Variants in MYOM1 observed in about 807,000 individuals in gnomAD.
MYOM1 encodes the protein myomesin-1.
Under a neutral mutation model 205.3 loss-of-function variants are expected in MYOM1, and 164 were observed. The ratio of observed to expected loss-of-function variants is 0.80; its 90% confidence interval spans 0.70 to 0.91. The LOEUF (loss-of-function observed/expected upper bound fraction) is 0.91. Ranked by LOEUF, MYOM1 falls within the 40% of genes least tolerant of loss-of-function variation. The probability of loss-of-function intolerance (pLI) is 0.00; values close to 1 mark genes in which losing one functional copy is unlikely to be tolerated. For missense variants in MYOM1, 2,011 were observed against 2,127.3 expected, an observed-to-expected ratio of 0.95 and a Z score of 1.08; for synonymous variants, 772 against 789.4, an observed-to-expected ratio of 0.98 and a Z score of 0.37.
At chr18:3,089,119 T>C in intron 29 of MYOM1, 55 bp downstream of exon 29, 1 of 1,349,412 alleles carries the variant, frequency 7.4e-7, no homozygotes, top group Non-Finnish European at 1.0e-6. Flanking sequence ...TCCTCTTCTC[T>C]ACATTCTATT....
chr18:3,171,049 G>C (rs1448022006), intron 8 of MYOM1, among the ~76,000 whole-genome samples: 1 of 152,122 alleles, frequency 6.6e-6, no homozygotes, highest in Non-Finnish European at 1.5e-5. Context: ...TATTAGGTAA[G>C]TACCACTAAT....
At chr18:3,080,931 A>C (rs1213848730) in intron 33 of MYOM1, among the ~76,000 whole-genome samples, 1 of 152,142 alleles carries the variant, frequency 6.6e-6, no homozygotes, top group African/African-American at 2.4e-5. Context: ...CAGGAGTTTG[A>C]AACCAGCCTG....
Position 3,215,097 on chromosome 18 carries a change from A to T in MYOM1, c.127T>A (p.Ser43Thr), listed in dbSNP as rs1167741981. 1 of 1,613,630 alleles carries T rather than the reference A, an allele frequency of 6.2e-7. No individual in the cohort carries two copies. Among genetic ancestry groups the T allele is most frequent in the South Asian group, 1.1e-5 (1 of 91,078 alleles). ...GAGGAGCGGCTGCTGTAGGCCGTGG[A>T]GCCCTGGGTGTAGACGGCGGAGCGT... ...KKRSAVYTQG[S>T]TAYSSRSSAA... The change falls in exon 2 of 38, where the codon TCC becomes ACC. Residue 43 changes from serine (S) to threonine (T), a missense_variant. Transcript: ENST00000356443.
At position 3,219,412 on chromosome 18, in the gene MYOM1, CA is replaced by C. The variant is rs1224800641; in HGVS notation, c.-29+390del. The stretch of plus-strand genomic sequence containing the variant: ...TCCTTCTTTCGGTCTAATTTGTAAC[CA>C]GGGAGCATTGTATGGCACATGCAGG... On this transcript the variant is annotated intron_variant, in intron 1 of 37. Coordinates refer to ENST00000356443, the MANE Select transcript of MYOM1 (RefSeq NM_003803.4). The surrounding 1 kb of genome is among the most constrained non-coding windows in gnomAD (Gnocchi z 4.4). 6.6e-6 allele frequency among the ~76,000 whole-genome samples: 1 copy of C among 152,122 alleles called. No individual in the cohort carries two copies. The highest frequency in any genetic ancestry group is 2.4e-5 in the African/African-American group (1 of 41,414).
intron 1 of MYOM1, among the ~76,000 whole-genome samples, chr18:3,217,587 G>A (rs2081285090): frequency 6.6e-6 from 1 of 152,168 alleles, no homozygotes; most frequent in African/African-American, 2.4e-5. Context: ...ACATTTGGGA[G>A]TCAACAGCAT....
rs149150514 is a variant in MYOM1 at position 3,075,713 on chromosome 18, C to T, written c.4685+12G>A. On this transcript the variant is annotated intron_variant, in intron 35 of 37. Coordinates refer to ENST00000356443, the MANE Select transcript of MYOM1 (RefSeq NM_003803.4). ...TGCATGCAAGTGGCATTTGCTAGGA[C>T]CAGGGACTTACTTCAACCTCTGGAA... 186 of 1,603,230 alleles carry T rather than the reference C, an allele frequency of 1.2e-4. 3 individuals are homozygous for T. In the East Asian group the frequency reaches 2.1e-3, roughly 18 times the overall value.
At chr18:3,233,787 T>C in the MYOM1 span, among the ~76,000 whole-genome samples, 1 of 152,230 alleles carries the variant, frequency 6.6e-6, no homozygotes, top group African/African-American at 2.4e-5. Flanking sequence ...GAGGCACTGA[T>C]TTCAGTGGAA....
Position 3,126,621 on chromosome 18 carries a change from G to A in MYOM1, c.2991+80C>T. On this transcript the variant is annotated intron_variant, in intron 19 of 37. Coordinates refer to ENST00000356443, the MANE Select transcript of MYOM1 (RefSeq NM_003803.4). ...AAATGACGTGACTCTCTTACAAGGT[G>A]CTGGGTGTGTGCCTGCCTGGGCGTG... 3.9e-6 allele frequency: 5 copies of A among 1,287,586 alleles called. No homozygotes were observed. In the South Asian group the frequency reaches 4.5e-5, roughly 12 times the overall value. The allele number at this position is 1,287,586 out of a possible 1,614,324, so 79.8% of individuals were successfully genotyped here.
At chr18:3,073,911 C>T (rs899418085) in intron 36 of MYOM1, among the ~76,000 whole-genome samples, 1 of 152,180 alleles carries the variant, frequency 6.6e-6, no homozygotes, top group African/African-American at 2.4e-5. Context: ...CTGCCTGCCT[C>T]ACCCTTCAAT....
intron 21 of MYOM1, among the ~76,000 whole-genome samples, chr18:3,114,578 G>T (rs1171598510): frequency 1.4e-5 from 2 of 138,536 alleles, no homozygotes; most frequent in Non-Finnish European, 3.1e-5. Flanking sequence ...TTAGAGACAG[G>T]GTTTTGCCAT....
intron 11 of MYOM1, among the ~76,000 whole-genome samples, chr18:3,154,354 C>T (rs774704781): frequency 2.3e-4 from 35 of 151,862 alleles, no homozygotes; most frequent in Non-Finnish European, 4.6e-4. Flanking sequence ...AATTTGACTA[C>T]CAGCTCATGT....
At chr18:3,163,587 A>C (rs189040795) in intron 10 of MYOM1, among the ~76,000 whole-genome samples, 12 of 151,494 alleles carry the variant, frequency 7.9e-5, no homozygotes, top group Admixed American at 2.0e-4. Flanking sequence ...CAAGTAGCTG[A>C]GACTACAAGC....
chr18:3,083,964 T>C (rs775883318), intron 32 of MYOM1, 25 bp downstream of exon 32: 11 of 1,586,320 alleles, frequency 6.9e-6, no homozygotes, highest in Non-Finnish European at 9.4e-6. Flanking sequence ...TAAAGCATTG[T>C]TGTGGTGCGA....
rs1450406375 is a variant in MYOM1, at chr18:3,151,748, G to A, written c.1789C>T (p.Arg597Ter). 6.2e-7 allele frequency: 1 copy of A among 1,613,822 alleles called. No individual in the cohort carries two copies. Among genetic ancestry groups the A allele is most frequent in the Non-Finnish European group, 8.5e-7 (1 of 1,179,790 alleles). The change falls in exon 12 of 38, where the codon CGA becomes TGA. Residue 597 changes from arginine (R) to a stop codon, truncating the protein, a stop_gained. Transcript: ENST00000356443. LOFTEE classifies it high-confidence loss of function. ...AGAGCAGCCACGGGCTCGGAAACTCGAGATGGGAAACCTATTCCCATTTTA... is the reference window on the plus strand; with the variant it reads ...AGAGCAGCCACGGGCTCGGAAACTCAAGATGGGAAACCTATTCCCATTTTA... ...VNKMGIGFPS[R>*]VSEPVAALDP...
Position 3,142,016 on chromosome 18 carries a change from T to G in MYOM1, c.1948A>C (p.Thr650Pro). Residue 650 changes from threonine (T) to proline (P), a missense_variant, in exon 14 of 38, where the codon ACC becomes CCC. By Grantham distance (38) the Thr-to-Pro change is conservative. Transcript: ENST00000356443. ...CAGCTGAGCACCACATAGCTCCGGGTGGCCTCAGTGACAGAGAGGTCTGTC... is the reference window on the plus strand; with the variant it reads ...CAGCTGAGCACCACATAGCTCCGGGGGGCCTCAGTGACAGAGAGGTCTGTC... Reference protein sequence around the residue: ...PPTDLSVTEATRSYVVLSWKP... With the variant: ...PPTDLSVTEAPRSYVVLSWKP... 1.2e-6 allele frequency: 2 copies of G among 1,613,760 alleles called. No individual in the cohort carries two copies. Among genetic ancestry groups the G allele is most frequent in the Non-Finnish European group, 1.7e-6 (2 of 1,179,816 alleles).
intron 34 of MYOM1, among the ~76,000 whole-genome samples, chr18:3,076,904 G>A (rs1018514124): frequency 4.6e-5 from 7 of 151,954 alleles, no homozygotes; most frequent in Admixed American, 3.3e-4. Context: ...TGTAGAGACG[G>A]GGTTTCACCA....
chr18:3,214,942 G>C lies in MYOM1; in HGVS notation c.282C>G (p.Ser94=), dbSNP rs1383253661. ...GAGGGCGTCCGACATACCCATGGGA[G>C]GAGCCATAATCGTAGGCTGAGGCTG... ...RKAASAYDYG[S]SHGLTDSSLL... is the part of the protein sequence containing the mutation. Residue 94 remains serine (S), a synonymous_variant, in exon 2 of 38, where the codon TCC becomes TCG. Transcript: ENST00000356443. 1.3e-6 allele frequency: 2 copies of C among 1,596,664 alleles called. No individual in the cohort carries two copies. Among genetic ancestry groups the C allele is most frequent in the African/African-American group, 1.3e-5 (1 of 74,572 alleles).
At chr18:3,212,647 T>C (rs2081204840) in intron 2 of MYOM1, among the ~76,000 whole-genome samples, 1 of 152,218 alleles carries the variant, frequency 6.6e-6, no homozygotes, top group South Asian at 2.1e-4. Context: ...AACTGCCTTA[T>C]AATGAAAATG....
intron 37 of MYOM1, among the ~76,000 whole-genome samples, chr18:3,068,138 C>T (rs1379487088): frequency 2.6e-5 from 4 of 152,154 alleles, no homozygotes; most frequent in Non-Finnish European, 5.9e-5. Context: ...CCCATCTGTG[C>T]TGAAACCTTA....
Sources: allele counts gnomAD v4.1 joint callset (sites outside exome capture counted in the v4.1 genomes callset), GRCh38; gene constraint gnomAD v4.1.1; non-coding constraint Gnocchi (gnomAD v3.1); transcripts MANE v1.5; gene names NCBI Gene and HGNC (gene_info 2026-07-23, HGNC 2026-07-21).